CAPN14: variants seen among roughly 807,000 people sequenced by gnomAD.
The protein encoded by CAPN14 is calpain 14.
CAPN14 carries 94 observed loss-of-function variants against 101.3 expected under a neutral mutation model. The observed-to-expected ratio is 0.93, with a 90% confidence interval of 0.79 to 1.10. The LOEUF (loss-of-function observed/expected upper bound fraction) is 1.10, where lower values mean the gene tolerates loss of function less well. Among genes scored for constraint, CAPN14 ranks in the 50% least tolerant of loss-of-function variants. The pLI is 0.00. For missense variants in CAPN14, 837 were observed against 828.4 expected (o/e 1.01, Z -0.13); for synonymous variants, 338 against 317.9 (o/e 1.06, Z -0.67).
At chr2:31,210,287 CAA>C (rs571673533) in intron 1 of CAPN14, among the ~76,000 whole-genome samples, 100 of 145,716 alleles carry the variant, frequency 6.9e-4, no homozygotes, top group South Asian at 4.1e-3. Context: ...ACTAAAAATG[CAA>C]AAAAAAAAAT....
In CAPN14 at chr2:31,189,335, T is replaced by C. The variant is rs752357052; in HGVS notation, c.1431A>G (p.Ile477Met). 14 of 1,551,620 alleles carry C rather than the reference T, an allele frequency of 9.0e-6. No homozygotes were observed. In the Admixed American group the frequency reaches 1.2e-4, roughly 13 times the overall value. ...EPGTYLIVPC[I>M]LEAHQKSEFV... ...ACTCTGACTTCTGGTGGGCCTCCAA[T>C]ATGCAGGGCACGATGAGGTACGTCC... The change falls in exon 13 of 22, where the codon ATA (isoleucine) becomes ATG (methionine). Residue 477 changes from isoleucine to methionine, a missense_variant. Transcript: ENST00000403897.
At chr2:31,215,487 C>T (rs1682600016) in intron 1 of CAPN14, among the ~76,000 whole-genome samples, 1 of 152,168 alleles carries the variant, frequency 6.6e-6, no homozygotes, top group African/African-American at 2.4e-5. Context: ...CACAAACCCC[C>T]ACCACACACC....
chr2:31,186,468 T>G lies in CAPN14; in HGVS notation c.1605A>C (p.Ala535=). The G allele has an allele frequency of 6.5e-7, 1 of 1,549,058 alleles. No homozygotes were observed. The highest frequency in any genetic ancestry group is 8.7e-7 in the Non-Finnish European group (1 of 1,146,086). ...GGTTCAGGAGGTTCTGAAGTTGAAC[T>G]GCATTAATCTCTGGATGCTAAATAG... ...KFFEKHPEIN[A]VQLQNLLNQM... is the part of the protein sequence containing the mutation. The change falls in exon 16 of 22, where the codon GCA becomes GCC. Residue 535 remains alanine, a synonymous_variant. Coordinates refer to ENST00000403897, the MANE Select transcript of CAPN14 (RefSeq NM_001145122.2).
At chr2:31,224,638 T>C (rs191410502) in intron 2 of CAPN14, among the ~76,000 whole-genome samples, 208 of 152,138 alleles carry the variant, frequency 1.4e-3, no homozygotes, top group African/African-American at 4.7e-3. Flanking sequence ...ATAATCTTTA[T>C]GTAAGTAGAA....
chr2:31,202,096 T>C (rs1681820706), intron 4 of CAPN14, 38 bp downstream of exon 4: 1 of 1,550,254 alleles, frequency 6.5e-7, no homozygotes, highest in African/African-American at 1.4e-5. Flanking sequence ...CTTTTTCCTA[T>C]GACTCCCTCT....
At chr2:31,213,330 G>A (rs1002522889) in intron 1 of CAPN14, among the ~76,000 whole-genome samples, 1 of 152,218 alleles carries the variant, frequency 6.6e-6, no homozygotes, top group African/African-American at 2.4e-5. Flanking sequence ...GTAGGAGTTG[G>A]CAAACTACAG....
At chr2:31,194,197 C>T (rs994311670) in intron 9 of CAPN14, among the ~76,000 whole-genome samples, 1 of 152,214 alleles carries the variant, frequency 6.6e-6, no homozygotes, top group African/African-American at 2.4e-5. Context: ...CGCTGAGCTC[C>T]ACCCTAGTGG....
intron 5 of CAPN14, among the ~76,000 whole-genome samples, 163 bp downstream of exon 5, chr2:31,201,699 T>C (rs937006734): frequency 4.6e-5 from 7 of 152,268 alleles, no homozygotes; most frequent in Admixed American, 3.3e-4. Context: ...TTAGATGAGG[T>C]GACCCCTACA....
chr2:31,203,174 A>G (rs1207920407), intron 2 of CAPN14, 35 bp from the exon 3 acceptor site: 3 of 1,531,814 alleles, frequency 2.0e-6, no homozygotes, highest in Non-Finnish European at 2.7e-6. Context: ...ATTCTGACCT[A>G]GAACAAAAAA....
At chr2:31,200,693 C>T (rs1362990978) in intron 5 of CAPN14, 68 bp from the exon 6 acceptor site, 13 of 1,399,918 alleles carry the variant, frequency 9.3e-6, no homozygotes, top group South Asian at 4.5e-5. Context: ...TATGTGGCCT[C>T]GGCATCCACT....
intron 12 of CAPN14, 55 bp downstream of exon 12, chr2:31,191,344 G>A: frequency 6.6e-7 from 1 of 1,512,856 alleles, no homozygotes; most frequent in South Asian, 1.3e-5. Flanking sequence ...GTGGAGGCTT[G>A]GCCACATGTG....
chr2:31,215,741 G>A (rs926255563), intron 1 of CAPN14, among the ~76,000 whole-genome samples: 5 of 151,564 alleles, frequency 3.3e-5, no homozygotes, highest in Admixed American at 3.3e-4. Context: ...AGACTTGGCC[G>A]GTCATTTTAG....
chr2:31,176,979 G>C, intron 20 of CAPN14, 47 bp downstream of exon 20: 2 of 1,336,842 alleles, frequency 1.5e-6, no homozygotes, highest in Non-Finnish European at 2.1e-6. Flanking sequence ...GGAAGTCATG[G>C]GGCAGCAGAG....
intron 11 of CAPN14, 24 bp downstream of exon 11, chr2:31,191,911 C>T: frequency 1.3e-6 from 2 of 1,526,614 alleles, no homozygotes; most frequent in South Asian, 1.2e-5. Flanking sequence ...GTCCCATGCC[C>T]CTGTGGTTCA....
At chr2:31,213,141 G>A (rs4952061) in intron 1 of CAPN14, among the ~76,000 whole-genome samples, 23,264 of 152,172 alleles carry the variant, frequency 0.15, 2,150 homozygotes, top group East Asian at 0.35. Context: ...TGCTGGGTTT[G>A]GGATTGGAAA....
At chr2:31,183,562 T>C (rs1280909634) in intron 16 of CAPN14, among the ~76,000 whole-genome samples, 1 of 152,050 alleles carries the variant, frequency 6.6e-6, no homozygotes, top group Admixed American at 6.6e-5. Flanking sequence ...AAGACATTTA[T>C]GCAGCCAAAA....
intron 2 of CAPN14, among the ~76,000 whole-genome samples, chr2:31,225,008 A>C (rs779305307): frequency 3.3e-5 from 5 of 152,074 alleles, no homozygotes; most frequent in Non-Finnish European, 7.4e-5. Flanking sequence ...TGTAGGAGAG[A>C]GAAGACAAGG....
chr2:31,191,829 G>T, intron 11 of CAPN14, 106 bp downstream of exon 11: 2 of 1,157,738 alleles, frequency 1.7e-6, no homozygotes, highest in Non-Finnish European at 2.4e-6. Flanking sequence ...ACCCAGGTCT[G>T]TGAACAGAGA....
intron 16 of CAPN14, among the ~76,000 whole-genome samples, chr2:31,185,333 C>T (rs1680850535): frequency 6.6e-6 from 1 of 152,128 alleles, no homozygotes; most frequent in Non-Finnish European, 1.5e-5. Flanking sequence ...GTTGTAAATA[C>T]ATCTTCTATT....
Sources: allele counts gnomAD v4.1 joint callset (sites outside exome capture counted in the v4.1 genomes callset), GRCh38; gene constraint gnomAD v4.1.1; transcripts MANE v1.5; gene names NCBI Gene and HGNC (gene_info 2026-07-23, HGNC 2026-07-21).